The following CLTA variants were observed in gnomAD, a reference collection of about 807,000 sequenced individuals.
CLTA encodes clathrin, light polypeptide (Lca).
CLTA carries 9 observed loss-of-function variants against 26.9 expected under a neutral mutation model. That is an observed-to-expected ratio of 0.33 (90% CI 0.20 to 0.58). The LOEUF (loss-of-function observed/expected upper bound fraction) is 0.58, where lower values mean the gene tolerates loss of function less well. Among genes scored for constraint, CLTA ranks in the 20% least tolerant of loss-of-function variants. CLTA has a pLI of 0.85. For missense variants in CLTA, 278 were observed against 294.2 expected, an observed-to-expected ratio of 0.94 and a Z score of 0.40; for synonymous variants, 120 against 115.5, an observed-to-expected ratio of 1.04 and a Z score of -0.25.
Position 36,191,235 on chromosome 9 carries a change from C to T in CLTA, c.179C>T (p.Pro60Leu). 6.5e-7 allele frequency: 1 copy of T among 1,541,014 alleles called. No individual in the cohort carries two copies. Among genetic ancestry groups the T allele is most frequent in the Non-Finnish European group, 8.7e-7 (1 of 1,147,376 alleles). ...EAFAILDGGA[P>L]GPQPHGEPPG... ...TTCGCCATCCTGGACGGCGGCGCCC[C>T]CGGGCCCCAGCCGCACGGCGAGCCG... Residue 60 changes from proline (P) to leucine (L), a missense_variant, in exon 1 of 5, where the codon CCC (proline) becomes CTC (leucine). Coordinates refer to ENST00000345519, the MANE Select transcript of CLTA (RefSeq NM_001833.4).
intron 1 of CLTA, among the ~76,000 whole-genome samples, chr9:36,194,755 G>A (rs1035184357): frequency 6.6e-6 from 1 of 152,204 alleles, no homozygotes; most frequent in African/African-American, 2.4e-5. Flanking sequence ...CTGAAGCATC[G>A]TGTTGCTTAG....
intron 4 of CLTA, among the ~76,000 whole-genome samples, chr9:36,211,343 GAGAC>G (rs1006869593): frequency 1.3e-5 from 2 of 152,246 alleles, no homozygotes; most frequent in Non-Finnish European, 2.9e-5. Context: ...CACAGGAGCA[GAGAC>G]AGACAGAGAG....
intron 3 of CLTA, 88 bp from the exon 4 acceptor site, chr9:36,203,980 A>G (rs1347613715): frequency 6.4e-6 from 10 of 1,557,844 alleles, no homozygotes; most frequent in Non-Finnish European, 7.8e-6. Context: ...TGCACCCACC[A>G]CAAGTTCAGC....
upstream of CLTA, chr9:36,190,913 T>C (rs1826648732): frequency 2.2e-6 from 3 of 1,368,278 alleles, no homozygotes; most frequent in African/African-American, 1.5e-5. Flanking sequence ...GATACACGGG[T>C]AGGGCTTCCG....
At position 36,211,708 on chromosome 9, in the gene CLTA, G is replaced by A; in HGVS notation, c.591G>A (p.Gln197=). The stretch of plus-strand genomic sequence containing the variant: ...ACTTTAACCCCAAGTCTAGCAAGCA[G>A]GCCAAAGATGTCTCCCGCATGCGCT... ...LCDFNPKSSK[Q]AKDVSRMRSV... Residue 197 remains glutamine, a synonymous_variant, in exon 5 of 5, where the codon CAG becomes CAA. Transcript: ENST00000345519. 1 of 1,614,150 alleles carries A rather than the reference G, an allele frequency of 6.2e-7. No individual in the cohort carries two copies. Among genetic ancestry groups the A allele is most frequent in the Non-Finnish European group, 8.5e-7 (1 of 1,180,002 alleles).
chr9:36,207,873 T>C (rs1827810937), intron 4 of CLTA, among the ~76,000 whole-genome samples: 1 of 152,210 alleles, frequency 6.6e-6, no homozygotes, highest in Non-Finnish European at 1.5e-5. Context: ...AAAAGGGTTA[T>C]GGGTTTATAA....
intron 1 of CLTA, among the ~76,000 whole-genome samples, chr9:36,193,332 T>A (rs63223962): frequency 3.4e-5 from 5 of 149,124 alleles, no homozygotes; most frequent in East Asian, 2.0e-4. Context: ...TTTTTTTTTT[T>A]AAAGATATGC....
At chr9:36,196,095 G>T (rs1204869608) in intron 1 of CLTA, among the ~76,000 whole-genome samples, 1 of 152,008 alleles carries the variant, frequency 6.6e-6, no homozygotes. Flanking sequence ...GGCCAACGTG[G>T]TGAAACCCCC....
intron 3 of CLTA, among the ~76,000 whole-genome samples, chr9:36,200,803 CTTTAAT>C (rs141429091): frequency 6.6e-6 from 1 of 152,240 alleles, no homozygotes; most frequent in African/African-American, 2.4e-5. Flanking sequence ...TTTAAATTTT[CTTTAAT>C]TTTAATAAAT....
chr9:36,192,678 TCCTC>T (rs906753961), intron 1 of CLTA, among the ~76,000 whole-genome samples: 6 of 152,102 alleles, frequency 3.9e-5, no homozygotes, highest in Non-Finnish European at 7.4e-5. Flanking sequence ...AGTTTAACCT[TCCTC>T]ATTTAATAGA....
At chr9:36,195,489 C>T (rs1826967924) in intron 1 of CLTA, among the ~76,000 whole-genome samples, 1 of 151,316 alleles carries the variant, frequency 6.6e-6, no homozygotes, top group Non-Finnish European at 1.5e-5. Flanking sequence ...AAGATTGGCA[C>T]AACAAAGCCA....
chr9:36,192,810 G>A (rs1826810060), intron 1 of CLTA, among the ~76,000 whole-genome samples: 1 of 152,166 alleles, frequency 6.6e-6, no homozygotes. Flanking sequence ...AGTTGTTTTA[G>A]CAGGGGTGTA....
At position 36,198,613 on chromosome 9, in the gene CLTA, A is replaced by G. The variant is rs192459307; in HGVS notation, c.256-366A>G. On this transcript the variant is annotated intron_variant, in intron 2 of 4. Transcript: ENST00000345519. ...GAGAATTTGCTTGAACCCGGGGAGT[A>G]GAGGTTGCAGTTGGCCAAGATTGCG... is the stretch of plus-strand genomic sequence containing the variant. 2.7e-5 allele frequency among the ~76,000 whole-genome samples: 4 copies of G among 148,914 alleles called. No individual in the cohort carries two copies. The East Asian group carries it at 8.4e-4, about 31-fold the overall frequency.
chr9:36,206,865 A>T (rs747740492), intron 4 of CLTA, among the ~76,000 whole-genome samples: 5 of 152,202 alleles, frequency 3.3e-5, no homozygotes, highest in Non-Finnish European at 7.3e-5. Context: ...ACTGCACTCC[A>T]GCCTGGGCAA....
intron 3 of CLTA, among the ~76,000 whole-genome samples, chr9:36,203,593 A>G (rs534827406): frequency 6.6e-6 from 1 of 152,388 alleles, no homozygotes; most frequent in African/African-American, 2.4e-5. Flanking sequence ...CAAACCTGGA[A>G]TATGGACTAG....
At position 36,198,959 on chromosome 9, in the gene CLTA, C is replaced by T. The variant is rs1367711851; in HGVS notation, c.256-20C>T. 3 of 1,549,106 alleles carry T rather than the reference C, an allele frequency of 1.9e-6. No homozygotes were observed. The highest frequency in any genetic ancestry group is 1.8e-6 in the Non-Finnish European group (2 of 1,122,460). On this transcript the variant is annotated intron_variant, in intron 2 of 4. Coordinates refer to ENST00000345519, the MANE Select transcript of CLTA (RefSeq NM_001833.4). The stretch of plus-strand genomic sequence containing the variant: ...AGGAATTTTTGGTATTAATATAGCA[C>T]AATTGTGTTTTGTGTTAAGGAAAGT...
chr9:36,191,128 C>A lies in CLTA; in HGVS notation c.72C>A (p.Ala24=), dbSNP rs768841179. The A allele has an allele frequency of 4.4e-5, 70 of 1,600,460 alleles. No individual in the cohort carries two copies. Among genetic ancestry groups the A allele is most frequent in the Non-Finnish European group, 5.5e-5 (65 of 1,176,158 alleles). Residue 24 remains alanine (A), a synonymous_variant, in exon 1 of 5, where the codon GCC becomes GCA. Transcript: ENST00000345519. ...GTCCCGCGCTGGGGAACGGAGTGGC[C>A]GGCGCCGGCGAAGAAGACCCGGCTG... is the stretch of plus-strand genomic sequence containing the variant. ...PGGPALGNGV[A]GAGEEDPAAA...
At chr9:36,195,410 T>C (rs761750345) in intron 1 of CLTA, among the ~76,000 whole-genome samples, 25 of 151,888 alleles carry the variant, frequency 1.6e-4, no homozygotes, top group Non-Finnish European at 3.2e-4. Context: ...AGCAGGAAAA[T>C]AGGCAAACTC....
At chr9:36,197,235 C>A (rs1384462523) in intron 1 of CLTA, among the ~76,000 whole-genome samples, 1 of 151,822 alleles carries the variant, frequency 6.6e-6, no homozygotes, top group Non-Finnish European at 1.5e-5. Context: ...TTTTTTTTCC[C>A]TCATGCAGAA....
Sources: allele counts gnomAD v4.1 joint callset (sites outside exome capture counted in the v4.1 genomes callset), GRCh38; gene constraint gnomAD v4.1.1; transcripts MANE v1.5; gene names NCBI Gene and HGNC (gene_info 2026-07-23, HGNC 2026-07-21).